CAPN3: variants seen among roughly 807,000 people sequenced by gnomAD.
CAPN3 encodes calpain 3.
Under a neutral mutation model 114.0 loss-of-function variants are expected in CAPN3, and 88 were observed. That is an observed-to-expected ratio of 0.77 (90% CI 0.65 to 0.92). CAPN3 has a LOEUF of 0.92. Ranked by LOEUF, CAPN3 falls within the 40% of genes least tolerant of loss-of-function variation. The pLI is 0.00. For missense variants in CAPN3, 1,028 were observed against 1,069.0 expected, an observed-to-expected ratio of 0.96 and a Z score of 0.53; for synonymous variants, 386 against 382.9, an observed-to-expected ratio of 1.01 and a Z score of -0.09.
chr15:42,410,348 G>C (rs1368145453), intron 19 of CAPN3, 80 bp from the exon 20 acceptor site: 1 of 1,284,072 alleles, frequency 7.8e-7, no homozygotes, highest in Non-Finnish European at 1.1e-6. Flanking sequence ...GGGTAGGACA[G>C]CCCGGAGTCT....
rs768952783 is a variant in CAPN3 at position 42,390,023 on chromosome 15, T to C, written c.872T>C (p.Val291Ala). Reference protein sequence around the residue: ...LNMGELIARMVRNMDNSLLQD... With the variant: ...LNMGELIARMARNMDNSLLQD... ...ATGGGGGAGTTGATTGCACGGATGG[T>C]AAGGAATATGGATAACTCACTGCTC... Residue 291 changes from valine (V) to alanine (A), a missense_variant, in exon 6 of 24, where the codon GTA (valine) becomes GCA (alanine). Physicochemically the swap from Val to Ala is moderately conservative, Grantham distance 64 (BLOSUM62 0). Coordinates refer to ENST00000397163, the MANE Select transcript of CAPN3 (RefSeq NM_000070.3). 1.9e-6 allele frequency: 3 copies of C among 1,613,824 alleles called. No homozygotes were observed. Among genetic ancestry groups the C allele is most frequent in the Non-Finnish European group, 2.5e-6 (3 of 1,179,984 alleles).
At position 42,359,674 on chromosome 15, in the gene CAPN3, T is replaced by C. The variant is rs2141101657; in HGVS notation, c.-132T>C. Reference sequence around the variant, plus strand: ...CGACCTTCTGATGGGCTTTCAACTTTGAACTGGATGTGGACACTTTTCTCT... The same window carrying C: ...CGACCTTCTGATGGGCTTTCAACTTCGAACTGGATGTGGACACTTTTCTCT... On this transcript the variant is annotated 5_prime_UTR_variant, in exon 1 of 24. It removes the in-frame stop codon of an upstream open reading frame in the 5' UTR. Transcript: ENST00000397163. The C allele has an allele frequency of 6.5e-7, 1 of 1,541,162 alleles. No individual in the cohort carries two copies. The highest frequency in any genetic ancestry group is 8.7e-7 in the Non-Finnish European group (1 of 1,149,560).
At chr15:42,402,300 A>G (rs1380118931) in intron 12 of CAPN3, 165 bp downstream of exon 12, 1 of 1,569,826 alleles carries the variant, frequency 6.4e-7, no homozygotes, top group East Asian at 2.3e-5. Flanking sequence ...GCCTCAGGGC[A>G]TTGCATGACC....
At chr15:42,373,415 C>G (rs2053006448) in intron 1 of CAPN3, among the ~76,000 whole-genome samples, 1 of 152,222 alleles carries the variant, frequency 6.6e-6, no homozygotes, top group Admixed American at 6.5e-5. Flanking sequence ...CAAAGGCCAT[C>G]AGGCATTCAT....
chr15:42,376,512 G>T (rs1053202990), intron 1 of CAPN3, among the ~76,000 whole-genome samples: 6 of 150,444 alleles, frequency 4.0e-5, no homozygotes, highest in African/African-American at 1.2e-4. Context: ...CTCTCAGTTG[G>T]CTCCTGTGTC....
At chr15:42,389,813 C>A in intron 5 of CAPN3, 140 bp from the exon 6 acceptor site, 1 of 917,210 alleles carries the variant, frequency 1.1e-6, no homozygotes, top group East Asian at 2.6e-5. Flanking sequence ...CTCCGTCTTT[C>A]CTCCATTCGT....
Position 42,390,105 on chromosome 15 carries a change from A to G in CAPN3, c.945+9A>G, listed in dbSNP as rs1419203553. The G allele has an allele frequency of 1.9e-6, 3 of 1,613,690 alleles. No homozygotes were observed. Among genetic ancestry groups the G allele is most frequent in the East Asian group, 2.2e-5 (1 of 44,866 alleles). The stretch of plus-strand genomic sequence containing the variant: ...ATGAAAGACCGACCCGGGTGTGTAC[A>G]CCTCCGATTATCAGAACTGACCATC... On this transcript the variant is annotated intron_variant, in intron 6 of 23. Transcript: ENST00000397163.
At chr15:42,402,513 G>T in intron 12 of CAPN3, 1 of 1,434,144 alleles carries the variant, frequency 7.0e-7, no homozygotes, top group East Asian at 2.6e-5. Flanking sequence ...CTCCTTGGGG[G>T]TCCTTCCAGC....
chr15:42,391,753 A>G (rs2053561188), intron 6 of CAPN3, among the ~76,000 whole-genome samples: 1 of 152,156 alleles, frequency 6.6e-6, no homozygotes, highest in African/African-American at 2.4e-5. Context: ...AGGCACGGTC[A>G]TGTCTGAGCA....
intron 1 of CAPN3, among the ~76,000 whole-genome samples, chr15:42,360,896 G>A (rs1007371131): frequency 7.2e-5 from 11 of 152,184 alleles, no homozygotes; most frequent in African/African-American, 1.9e-4. Context: ...TTCTTAATTC[G>A]AGAAATATTT....
intron 1 of CAPN3, among the ~76,000 whole-genome samples, chr15:42,373,964 T>C (rs1055103799): frequency 2.6e-5 from 4 of 152,136 alleles, no homozygotes; most frequent in African/African-American, 7.2e-5. Context: ...TCTGTAACTA[T>C]AGTAATATTT....
At position 42,396,864 on chromosome 15, in the gene CAPN3, G is replaced by A. The variant is rs766817296; in HGVS notation, c.1180G>A (p.Asp394Asn). 20 of 1,613,488 alleles carry A rather than the reference G, an allele frequency of 1.2e-5. 1 individual carries two copies. The South Asian group carries it at 2.1e-4, about 17-fold the overall frequency. ...KARLQHQVTEDGEFWMSYEDF... is the reference protein window; with the variant it reads ...KARLQHQVTENGEFWMSYEDF... The stretch of plus-strand genomic sequence containing the variant: ...CCGTCTGCAGCACCAGGTCACTGAG[G>A]ATGGAGAGTTCTGGTGAGTCCAGAA... The change falls in exon 9 of 24, where the codon GAT becomes AAT. Residue 394 changes from aspartate (D) to asparagine (N), a missense_variant. By Grantham distance (23) the Asp-to-Asn change is conservative. Coordinates refer to ENST00000397163, the MANE Select transcript of CAPN3 (RefSeq NM_000070.3).
intron 9 of CAPN3, among the ~76,000 whole-genome samples, chr15:42,397,265 A>G (rs2141187332): frequency 6.6e-6 from 1 of 152,334 alleles, no homozygotes; most frequent in East Asian, 1.9e-4. Context: ...CAGCTTAAGG[A>G]GAATTTTCAA....
At chr15:42,404,005 A>T in intron 14 of CAPN3, 1 of 644,392 alleles carries the variant, frequency 1.6e-6, no homozygotes. Flanking sequence ...GAAATATGGA[A>T]GAGGGTCCTG....
chr15:42,378,950 C>T (rs1712327041), intron 1 of CAPN3, among the ~76,000 whole-genome samples: 3 of 152,112 alleles, frequency 2.0e-5, no homozygotes, highest in Admixed American at 2.0e-4. Context: ...GATTTTTCAA[C>T]TATCTTTTTG....
intron 4 of CAPN3, 87 bp downstream of exon 4, chr15:42,387,973 G>T: frequency 6.5e-7 from 1 of 1,526,856 alleles, no homozygotes; most frequent in Non-Finnish European, 9.1e-7. Context: ...ACAGGAAGAG[G>T]CATGTGCCTC....
Position 42,410,507 on chromosome 15 carries a change from A to C in CAPN3, c.2184+11A>C. 1 of 1,613,944 alleles carries C rather than the reference A, an allele frequency of 6.2e-7. No homozygotes were observed. ...ATTAAGGCCTGGCAGGTGGGAAGAG[A>C]AAATGAAGCGTGGGAGTCAAGAATG... On this transcript the variant is annotated intron_variant, in intron 20 of 23. Coordinates refer to ENST00000397163, the MANE Select transcript of CAPN3 (RefSeq NM_000070.3).
intron 1 of CAPN3, among the ~76,000 whole-genome samples, chr15:42,366,843 T>A (rs1399908715): frequency 6.7e-6 from 1 of 148,192 alleles, no homozygotes; most frequent in East Asian, 1.9e-4. Flanking sequence ...TTTTTTTCTT[T>A]TTTTTTTTGA....
chr15:42,402,134 A>G lies in CAPN3; in HGVS notation c.1535A>G (p.Glu512Gly). 1 of 1,613,954 alleles carries G rather than the reference A, an allele frequency of 6.2e-7. No individual in the cohort carries two copies. The highest frequency in any genetic ancestry group is 8.5e-7 in the Non-Finnish European group (1 of 1,179,996). Residue 512 changes from glutamate to glycine, a missense_variant and splice_region_variant, in exon 12 of 24, where the codon GAG becomes GGG. Coordinates refer to ENST00000397163, the MANE Select transcript of CAPN3 (RefSeq NM_000070.3). ...IGFAIYEVPK[E>G]MHGNKQHLQK... The stretch of plus-strand genomic sequence containing the variant: ...CTGTTTCTTCTCAAGGTTCCCAAAG[A>G]GGTATAGCAGCAGCAGCGGCCAGCA...
Sources: gnomAD v4.1 joint callset for allele counts (sites outside exome capture counted in the v4.1 genomes callset) on GRCh38, gnomAD v4.1.1 for gene constraint, MANE v1.5 for transcripts, NCBI Gene and HGNC (gene_info 2026-07-23, HGNC 2026-07-21) for gene names.